The following ABCA13 variants were observed in gnomAD, a reference collection of about 807,000 sequenced individuals.
ABCA13 encodes the protein ATP binding cassette subfamily A member 13, also known as ATP-binding cassette sub-family A member 13.
Under a neutral mutation model 478.7 loss-of-function variants are expected in ABCA13, and 476 were observed. The ratio of observed to expected loss-of-function variants is 0.99; its 90% CI spans 0.92 to 1.07. The LOEUF (loss-of-function observed/expected upper bound fraction) is 1.07. Among genes scored for constraint, ABCA13 ranks in the 50% least tolerant of loss-of-function variants. ABCA13 has a pLI of 0.00. For synonymous variants in ABCA13, 2,252 were observed against 2,158.9 expected, an observed-to-expected ratio of 1.04 and a Z score of -1.20; for missense variants, 6,060 against 5,910.6, an observed-to-expected ratio of 1.03 and a Z score of -0.83.
chr7:48,365,672 T>C (rs1811550490), intron 31 of ABCA13, among the ~76,000 whole-genome samples: 1 of 152,172 alleles, frequency 6.6e-6, no homozygotes, highest in Non-Finnish European at 1.5e-5. Flanking sequence ...ATTGAAGAGA[T>C]AGTCCTTTTC....
At chr7:48,400,031 C>G (rs1479194351) in intron 38 of ABCA13, among the ~76,000 whole-genome samples, 1 of 147,290 alleles carries the variant, frequency 6.8e-6, no homozygotes, top group African/African-American at 2.6e-5. Flanking sequence ...CAGGTCCTGG[C>G]AAGTGCTTTC....
chr7:48,454,788 C>T (rs1825457096), intron 42 of ABCA13, among the ~76,000 whole-genome samples: 2 of 152,216 alleles, frequency 1.3e-5, no homozygotes, highest in Non-Finnish European at 2.9e-5. Flanking sequence ...CGCAGCGGAG[C>T]TCACACGCCC....
chr7:48,523,216 A>C (rs2130994700), intron 53 of ABCA13, among the ~76,000 whole-genome samples: 1 of 152,292 alleles, frequency 6.6e-6, no homozygotes, highest in Non-Finnish European at 1.5e-5. Flanking sequence ...GTAAGATAGA[A>C]TTCTGAGTAT....
chr7:48,180,481 C>T (rs945926055), intron 1 of ABCA13, among the ~76,000 whole-genome samples: 2 of 152,136 alleles, frequency 1.3e-5, no homozygotes, highest in African/African-American at 2.4e-5. Context: ...AGTGCAATGG[C>T]GTGATCTCAG....
intron 52 of ABCA13, among the ~76,000 whole-genome samples, chr7:48,519,138 C>T (rs1366930112): frequency 6.6e-6 from 1 of 152,188 alleles, no homozygotes; most frequent in Non-Finnish European, 1.5e-5. Context: ...CTGCAAAGGA[C>T]ATGATCTCCT....
At position 48,583,501 on chromosome 7, in the gene ABCA13, A is replaced by G. The variant is rs1788893919; in HGVS notation, c.14505+3127A>G. ...TCTCAGGGCAATTTATTTTGGCTCC[A>G]GTGATGTTTATGGAAGTCCTACTAT... is the stretch of plus-strand genomic sequence containing the variant. On this transcript the variant is annotated intron_variant, in intron 56 of 61. Transcript: ENST00000435803. Among the ~76,000 whole-genome samples, 5 of 152,232 alleles carry G rather than the reference A, an allele frequency of 3.3e-5. 1 individual carries two copies. In the South Asian group the frequency reaches 1.0e-3, roughly 31 times the overall value.
chr7:48,424,201 T>G (rs1563233085), intron 41 of ABCA13, among the ~76,000 whole-genome samples: 1 of 152,242 alleles, frequency 6.6e-6, no homozygotes. Context: ...TTTTGGAAGA[T>G]TGTTTATATG....
chr7:48,253,393 C>T (rs1792876571), intron 15 of ABCA13, among the ~76,000 whole-genome samples: 1 of 152,178 alleles, frequency 6.6e-6, no homozygotes, highest in East Asian at 1.9e-4. Context: ...GAAATTGATA[C>T]ACATCTTCCT....
Position 48,455,024 on chromosome 7 carries a change from GC to G in ABCA13, c.12566-10del. The G allele has an allele frequency of 1.3e-6, 2 of 1,483,976 alleles. No homozygotes were observed. Among genetic ancestry groups the G allele is most frequent in the Non-Finnish European group, 1.8e-6 (2 of 1,118,142 alleles). The allele number at this position is 1,483,976 out of a possible 1,614,324, so 91.9% of individuals were successfully genotyped here. On this transcript the variant is annotated splice_polypyrimidine_tract_variant and intron_variant, in intron 42 of 61. Coordinates refer to ENST00000435803, the MANE Select transcript of ABCA13 (RefSeq NM_152701.5). ...AGCTGACCCAGCCGCCCTTCCTCCC[GC>G]CCGTCCTGCAGGTGGCTCCCTAGCA...
chr7:48,343,487 G>A (rs1282952914), intron 29 of ABCA13, among the ~76,000 whole-genome samples: 1 of 152,150 alleles, frequency 6.6e-6, no homozygotes, highest in Non-Finnish European at 1.5e-5. Context: ...TCAGTTTTTG[G>A]CAGGATCAAA....
At chr7:48,270,605 C>T (rs1040249202) in intron 16 of ABCA13, among the ~76,000 whole-genome samples, 4 of 152,016 alleles carry the variant, frequency 2.6e-5, no homozygotes, top group Non-Finnish European at 4.4e-5. Flanking sequence ...GGATTTTTTC[C>T]CTAGGAATTA....
intron 55 of ABCA13, among the ~76,000 whole-genome samples, chr7:48,575,378 T>G (rs577845665): frequency 3.0e-4 from 46 of 152,136 alleles, no homozygotes; most frequent in Non-Finnish European, 4.9e-4. Flanking sequence ...TGTGGAAACT[T>G]TCATGATAAA....
chr7:48,373,684 A>G (rs1262081049), intron 33 of ABCA13, among the ~76,000 whole-genome samples: 1 of 152,248 alleles, frequency 6.6e-6, no homozygotes, highest in Non-Finnish European at 1.5e-5. Flanking sequence ...GTACATAGAA[A>G]AAGAGTCATC....
At chr7:48,279,960 C>T (rs368527219) in intron 18 of ABCA13, 40 bp downstream of exon 18, 207 of 1,482,422 alleles carry the variant, frequency 1.4e-4, no homozygotes, top group Non-Finnish European at 1.7e-4. Flanking sequence ...TTTTCTCTAC[C>T]GCAGTAGCTA....
intron 42 of ABCA13, among the ~76,000 whole-genome samples, chr7:48,449,695 C>T (rs1174715850): frequency 6.6e-6 from 1 of 152,226 alleles, no homozygotes; most frequent in African/African-American, 2.4e-5. Context: ...TCACCTGATT[C>T]TATTTCCCTG....
intron 34 of ABCA13, among the ~76,000 whole-genome samples, chr7:48,375,335 C>T (rs908683033): frequency 6.6e-6 from 1 of 152,076 alleles, no homozygotes; most frequent in Admixed American, 6.6e-5. Flanking sequence ...CCCATGTTTT[C>T]TAGTTCTTCC....
At chr7:48,372,920 A>T (rs1812885904) in intron 33 of ABCA13, among the ~76,000 whole-genome samples, 2 of 152,228 alleles carry the variant, frequency 1.3e-5, no homozygotes, top group South Asian at 4.1e-4. Context: ...AGAGTCACTC[A>T]TCCATTTAAA....
At chr7:48,285,758 C>T (rs1368177501) in intron 19 of ABCA13, among the ~76,000 whole-genome samples, 3 of 152,212 alleles carry the variant, frequency 2.0e-5, no homozygotes, top group African/African-American at 7.2e-5. Context: ...TGTGTCTTCC[C>T]GAGACCAGAG....
intron 42 of ABCA13, among the ~76,000 whole-genome samples, chr7:48,433,659 G>C (rs1243459592): frequency 6.6e-6 from 1 of 151,738 alleles, no homozygotes; most frequent in Non-Finnish European, 1.5e-5. Flanking sequence ...TTGAAACTCT[G>C]TACCAATTAG....
Sources: gnomAD v4.1 joint callset for allele counts (sites outside exome capture counted in the v4.1 genomes callset) on GRCh38, gnomAD v4.1.1 for gene constraint, MANE v1.5 for transcripts, NCBI Gene and HGNC (gene_info 2026-07-23, HGNC 2026-07-21) for gene names.